Variants in RBMS3 observed in about 807,000 individuals in gnomAD.
RBMS3 encodes the protein RNA-binding motif, single-stranded-interacting protein 3.
A neutral mutation model predicts 66.8 loss-of-function variants in RBMS3; 27 were observed. That is an observed-to-expected ratio of 0.40 (90% confidence interval 0.30 to 0.56). The LOEUF (loss-of-function observed/expected upper bound fraction) is 0.56, where lower values mean the gene tolerates loss of function less well. Ranked by LOEUF, RBMS3 falls within the 20% of genes least tolerant of loss-of-function variation. The pLI is 0.40. For missense variants in RBMS3, 513 were observed against 549.5 expected (o/e 0.93, Z 0.66); for synonymous variants, 188 against 183.0 (o/e 1.03, Z -0.22).
Position 29,300,664 on chromosome 3 carries a change from T to C in RBMS3, c.75+18908T>C, listed in dbSNP as rs1575496913. 3.3e-5 allele frequency among the ~76,000 whole-genome samples: 5 copies of C among 151,970 alleles called. No individual in the cohort carries two copies. The East Asian group carries it at 9.7e-4, about 29-fold the overall frequency. On this transcript the variant is annotated intron_variant, in intron 1 of 14. Coordinates refer to ENST00000383767, the MANE Select transcript of RBMS3 (RefSeq NM_001003793.3). The stretch of plus-strand genomic sequence containing the variant: ...ATATAGGAAAAGTTTTGCGTGAGTT[T>C]TGGAGTTGCAGGCATTGTTAAATGC...
At chr3:29,697,415 A>C (rs1442439227) in intron 4 of RBMS3, among the ~76,000 whole-genome samples, 1 of 152,160 alleles carries the variant, frequency 6.6e-6, no homozygotes, top group African/African-American at 2.4e-5. Flanking sequence ...ACATGACCAG[A>C]ACTTCACCCG....
intron 4 of RBMS3, among the ~76,000 whole-genome samples, chr3:29,702,543 C>T (rs1215310523): frequency 6.6e-6 from 1 of 152,210 alleles, no homozygotes; most frequent in Admixed American, 6.5e-5. Flanking sequence ...GTCACTGCTG[C>T]TCACTTTTTG....
chr3:29,999,403 C>A (rs1308711216), intron 14 of RBMS3, among the ~76,000 whole-genome samples: 1 of 152,118 alleles, frequency 6.6e-6, no homozygotes. Flanking sequence ...CCCAGCCATC[C>A]CATTACTGGG....
intron 6 of RBMS3, among the ~76,000 whole-genome samples, chr3:29,856,780 AG>A (rs2059087240): frequency 6.6e-6 from 1 of 152,212 alleles, no homozygotes; most frequent in Admixed American, 6.5e-5. Context: ...ACATCTTCAT[AG>A]GCGACGTCGT....
chr3:29,887,791 A>T (rs1225496733), intron 8 of RBMS3, among the ~76,000 whole-genome samples: 1 of 151,840 alleles, frequency 6.6e-6, no homozygotes, highest in African/African-American at 2.4e-5. Context: ...TTAGGGAATG[A>T]TAACTTGTTA....
chr3:29,559,510 CAAAAAAAAAAAAAAAAAAAA>C (rs553520590), intron 3 of RBMS3, among the ~76,000 whole-genome samples: 38 of 41,334 alleles, frequency 9.2e-4, no homozygotes, highest in South Asian at 4.1e-3. Context: ...GACTCTGTCT[CAAAAAAAAAAAAAAAAAAAA>C]AAAAAAAAAA....
At chr3:29,525,425 T>C (rs1417833813) in intron 3 of RBMS3, among the ~76,000 whole-genome samples, 1 of 152,220 alleles carries the variant, frequency 6.6e-6, no homozygotes, top group Non-Finnish European at 1.5e-5. Context: ...CCACACTCAC[T>C]TCCTGTTGAC....
intron 3 of RBMS3, among the ~76,000 whole-genome samples, chr3:29,548,904 A>G (rs2046075389): frequency 6.6e-6 from 1 of 152,088 alleles, no homozygotes; most frequent in Non-Finnish European, 1.5e-5. Context: ...TTTTCACAGT[A>G]AACCTAATTC....
At chr3:29,449,114 C>T (rs188449495) in intron 2 of RBMS3, among the ~76,000 whole-genome samples, 17 of 152,254 alleles carry the variant, frequency 1.1e-4, no homozygotes, top group Admixed American at 8.5e-4. Flanking sequence ...TAACTTGTCT[C>T]AAAAATGCTT....
rs1220146502 is a variant in RBMS3 at position 29,928,337 on chromosome 3, A to G, written c.940-7749A>G. Among the ~76,000 whole-genome samples the G allele has an allele frequency of 4.1e-5, 5 of 121,854 alleles. No individual in the cohort carries two copies. In the East Asian group the frequency reaches 1.3e-3, roughly 31 times the overall value. 79.9% of individuals were successfully genotyped at this position (121,854 alleles called of 152,430 possible). On this transcript the variant is annotated intron_variant, in intron 10 of 14. Coordinates refer to ENST00000383767, the MANE Select transcript of RBMS3 (RefSeq NM_001003793.3). Reference sequence around the variant, plus strand: ...AATATAATTTTTTATTATGAAATATATTTGGTGGGTAGAGATCAATGGTTT... The same window carrying G: ...AATATAATTTTTTATTATGAAATATGTTTGGTGGGTAGAGATCAATGGTTT...
chr3:29,585,915 G>A (rs1213478814), intron 3 of RBMS3, among the ~76,000 whole-genome samples: 1 of 151,990 alleles, frequency 6.6e-6, no homozygotes, highest in Non-Finnish European at 1.5e-5. Context: ...CTGGGAGGGA[G>A]AAAAAGAAGA....
intron 1 of RBMS3, among the ~76,000 whole-genome samples, chr3:29,401,111 G>A (rs1010752194): frequency 1.3e-5 from 2 of 151,904 alleles, no homozygotes; most frequent in African/African-American, 4.8e-5. Context: ...GTGTCATATG[G>A]GATAAGATGA....
intron 1 of RBMS3, among the ~76,000 whole-genome samples, chr3:29,408,161 A>G (rs1278081292): frequency 6.6e-6 from 1 of 150,384 alleles, no homozygotes; most frequent in Non-Finnish European, 1.5e-5. Flanking sequence ...AGCCCCAGCT[A>G]CTTGGGAGGC....
intron 1 of RBMS3, among the ~76,000 whole-genome samples, chr3:29,323,723 CA>C (rs1559487803): frequency 5.1e-4 from 75 of 147,466 alleles, no homozygotes; most frequent in Middle Eastern, 7.0e-3. Flanking sequence ...CACACACACA[CA>C]CACCCCTTGG....
intron 14 of RBMS3, 195 bp downstream of exon 14, chr3:29,991,404 A>T: frequency 1.3e-6 from 1 of 798,004 alleles, no homozygotes; most frequent in Non-Finnish European, 1.9e-6. Context: ...TCTTGACAGG[A>T]ATCAAACATC....
At chr3:29,346,396 CTTTTTTTTTTTTTTT>C (rs34803214) in intron 1 of RBMS3, among the ~76,000 whole-genome samples, 1 of 59,962 alleles carries the variant, frequency 1.7e-5, no homozygotes, top group African/African-American at 6.9e-5. Flanking sequence ...GCAATTCATT[CTTTTTTTTTTTTTTT>C]TTTTTTTTTT....
intron 6 of RBMS3, among the ~76,000 whole-genome samples, chr3:29,814,423 G>A (rs1225485843): frequency 6.6e-6 from 1 of 152,162 alleles, no homozygotes; most frequent in Non-Finnish European, 1.5e-5. Context: ...GTTCATCAAG[G>A]ATATTGGTCT....
chr3:29,721,021 A>G (rs1354086243), intron 4 of RBMS3, among the ~76,000 whole-genome samples: 2 of 152,214 alleles, frequency 1.3e-5, no homozygotes, highest in African/African-American at 2.4e-5. Context: ...GGCACAAAGT[A>G]TACAGCCTAT....
chr3:29,483,319 A>G (rs1559399775), intron 2 of RBMS3, among the ~76,000 whole-genome samples: 3 of 151,474 alleles, frequency 2.0e-5, no homozygotes, highest in Non-Finnish European at 4.4e-5. Flanking sequence ...CAAAAAAAAA[A>G]AAAAAAGAAA....
Sources: gnomAD v4.1 joint callset for allele counts (sites outside exome capture counted in the v4.1 genomes callset) on GRCh38, gnomAD v4.1.1 for gene constraint, MANE v1.5 for transcripts, NCBI Gene and HGNC (gene_info 2026-07-23, HGNC 2026-07-21) for gene names.